The following CRYBG3 variants were observed in gnomAD, a reference collection of about 807,000 sequenced individuals.
The protein encoded by CRYBG3 is crystallin beta-gamma domain containing 3.
In CRYBG3, 127 loss-of-function variants were observed where a neutral mutation model predicts 244.2. The observed-to-expected ratio is 0.52, with a 90% CI of 0.45 to 0.60. The LOEUF is 0.60. Ranked by LOEUF, CRYBG3 falls within the 20% of genes least tolerant of loss-of-function variation. The pLI, the probability that CRYBG3 is intolerant of heterozygous loss-of-function variation, is 0.00. For synonymous variants in CRYBG3, 1,132 were observed against 1,195.8 expected (o/e 0.95, Z 1.10); for missense variants, 3,325 against 3,442.5 (o/e 0.97, Z 0.85).
rs376597593 is a variant in CRYBG3 at position 97,895,933 on chromosome 3, C to T, written c.7575-26C>T. ...CTTGACTACAGTTTTATTAATGGGTCATTTGGGTGTCCCCTGTATTTCTAG... is the reference window on the plus strand; with the variant it reads ...CTTGACTACAGTTTTATTAATGGGTTATTTGGGTGTCCCCTGTATTTCTAG... On this transcript the variant is annotated intron_variant, in intron 11 of 21. Transcript: ENST00000389622. 5.0e-6 allele frequency: 8 copies of T among 1,604,750 alleles called. No homozygotes were observed. The African/African-American group carries it at 1.1e-4, about 22-fold the overall frequency.
intron 3 of CRYBG3, 83 bp downstream of exon 3, chr3:97,864,730 G>A: frequency 1.1e-6 from 1 of 918,208 alleles, no homozygotes; most frequent in Non-Finnish European, 1.6e-6. Context: ...CCTAGTAATT[G>A]GTGGGATTGG....
At chr3:97,938,150 G>C (rs1297133118) in intron 19 of CRYBG3, among the ~76,000 whole-genome samples, 1 of 145,768 alleles carries the variant, frequency 6.9e-6, no homozygotes, top group Non-Finnish European at 1.5e-5. Flanking sequence ...ACAGTCCTTT[G>C]AGGTAGGAAT....
chr3:97,831,191 C>A (rs1051571299), intron 1 of CRYBG3, among the ~76,000 whole-genome samples: 1 of 152,106 alleles, frequency 6.6e-6, no homozygotes, highest in Non-Finnish European at 1.5e-5. Flanking sequence ...TTTATGGGAA[C>A]TCACTGGGCT....
intron 2 of CRYBG3, among the ~76,000 whole-genome samples, chr3:97,861,986 T>A (rs551310690): frequency 6.6e-6 from 1 of 152,132 alleles, no homozygotes; most frequent in East Asian, 1.9e-4. Flanking sequence ...GAGGGAAAAA[T>A]TAAGCAACTA....
rs573550171 is a variant in CRYBG3 at position 97,878,177 on chromosome 3, G to A, written c.6843+140G>A. On this transcript the variant is annotated intron_variant, in intron 4 of 21. Transcript: ENST00000389622. The stretch of plus-strand genomic sequence containing the variant: ...TGTAATCCTGGCACTTTGGGAGGCC[G>A]AGGCAGGTGGATCACGAGGTCAGGA... The A allele has an allele frequency of 7.3e-5, 50 of 682,834 alleles. 1 individual carries two copies. Among genetic ancestry groups the A allele is most frequent in the South Asian group, 1.5e-4 (7 of 45,896 alleles). 42.3% of individuals were successfully genotyped at this position (682,834 alleles called of 1,614,324 possible). A position where few individuals can be genotyped will look rare whatever the true frequency, so the allele number is the denominator to read the frequency against.
At chr3:97,920,302 C>A (rs574710245) in intron 17 of CRYBG3, among the ~76,000 whole-genome samples, 58 of 151,052 alleles carry the variant, frequency 3.8e-4, no homozygotes, top group African/African-American at 1.4e-3. Flanking sequence ...CTATTCTTGG[C>A]CTTTCCTCTC....
chr3:97,876,012 T>C lies in CRYBG3; in HGVS notation c.4818T>C (p.Ile1606=), dbSNP rs920049769. ...ACCAAATGGATGCCGAGAGCTGTAT[T>C]GAAAAAACTGAGGGATCAGCTGTCA... ...EVYQMDAESC[I]EKTEGSAVIL... Residue 1606 remains isoleucine (I), a synonymous_variant, in exon 4 of 22, where the codon ATT becomes ATC. Transcript: ENST00000389622. 1.8e-5 allele frequency: 22 copies of C among 1,231,932 alleles called. No homozygotes were observed. In the Admixed American group the frequency reaches 7.2e-4, roughly 40 times the overall value. 76.3% of individuals were successfully genotyped at this position (1,231,932 alleles called of 1,614,324 possible).
intron 1 of CRYBG3, among the ~76,000 whole-genome samples, chr3:97,838,957 G>A (rs1247629378): frequency 6.6e-6 from 1 of 152,090 alleles, no homozygotes; most frequent in Non-Finnish European, 1.5e-5. Flanking sequence ...CTTGAAAAAT[G>A]AGGAGCTTTT....
At chr3:97,900,059 AT>A (rs1391065181) in intron 14 of CRYBG3, among the ~76,000 whole-genome samples, 1 of 152,204 alleles carries the variant, frequency 6.6e-6, no homozygotes, top group Non-Finnish European at 1.5e-5. Context: ...CATGAAAAAA[AT>A]TTTTCAAGCT....
intron 15 of CRYBG3, among the ~76,000 whole-genome samples, chr3:97,907,478 A>G (rs1421541025): frequency 2.8e-4 from 42 of 150,154 alleles, no homozygotes; most frequent in Non-Finnish European, 4.9e-4. Flanking sequence ...GTCTTGGGAG[A>G]GTGTATGTGT....
At chr3:97,934,469 T>G (rs1255416985) in intron 18 of CRYBG3, among the ~76,000 whole-genome samples, 4 of 152,028 alleles carry the variant, frequency 2.6e-5, no homozygotes, top group African/African-American at 9.7e-5. Flanking sequence ...AACCAGCCCC[T>G]ACTCCTGCAC....
At chr3:97,826,579 C>T (rs1421617674) in intron 1 of CRYBG3, among the ~76,000 whole-genome samples, 3 of 152,084 alleles carry the variant, frequency 2.0e-5, no homozygotes, top group Non-Finnish European at 4.4e-5. Context: ...AAAATGATAG[C>T]AACAAACTGT....
At chr3:97,912,057 C>A in intron 15 of CRYBG3, 110 bp from the exon 16 acceptor site, 1 of 505,448 alleles carries the variant, frequency 2.0e-6, no homozygotes, top group South Asian at 3.6e-5. Context: ...AAACATGAGT[C>A]TGATATTTTG....
intron 1 of CRYBG3, among the ~76,000 whole-genome samples, chr3:97,841,339 T>C (rs1234434202): frequency 2.0e-5 from 3 of 150,862 alleles, no homozygotes; most frequent in Admixed American, 6.6e-5. Context: ...TATGTATATA[T>C]GCATATATAT....
At chr3:97,904,736 CTTTT>C (rs890714668) in intron 15 of CRYBG3, among the ~76,000 whole-genome samples, 1 of 136,332 alleles carries the variant, frequency 7.3e-6, no homozygotes, top group African/African-American at 2.7e-5. Context: ...TTTTTATAAT[CTTTT>C]TTTTATTATT....
chr3:97,933,574 G>A, intron 17 of CRYBG3, 120 bp from the exon 18 acceptor site: 2 of 981,954 alleles, frequency 2.0e-6, no homozygotes, highest in Non-Finnish European at 3.2e-6. Context: ...ACCTTAGAGA[G>A]TAAAACAGTA....
intron 6 of CRYBG3, 118 bp downstream of exon 6, chr3:97,880,218 A>G: frequency 1.7e-6 from 1 of 574,424 alleles, no homozygotes; most frequent in Non-Finnish European, 3.1e-6. Context: ...CTACTTTTCG[A>G]CAGAAGATTT....
At chr3:97,878,267 C>T (rs1246083054) in intron 4 of CRYBG3, among the ~76,000 whole-genome samples, 3 of 151,936 alleles carry the variant, frequency 2.0e-5, no homozygotes, top group Non-Finnish European at 2.9e-5. Context: ...AATAATTAGC[C>T]GGGCATGGTG....
chr3:97,904,670 A>G (rs561257091), intron 15 of CRYBG3, among the ~76,000 whole-genome samples: 1 of 146,930 alleles, frequency 6.8e-6, no homozygotes, highest in East Asian at 2.0e-4. Context: ...TTTTATTTTT[A>G]TTTTTTTTAT....
Sources: allele counts gnomAD v4.1 joint callset (sites outside exome capture counted in the v4.1 genomes callset), GRCh38; gene constraint gnomAD v4.1.1; transcripts MANE v1.5; gene names NCBI Gene and HGNC (gene_info 2026-07-23, HGNC 2026-07-21).